CRLF1: variants seen among roughly 807,000 people sequenced by gnomAD.
The protein encoded by CRLF1 is cytokine receptor like factor 1, also known as cytokine receptor-like factor 1.
CRLF1 carries 36 observed loss-of-function variants against 48.9 expected under a neutral mutation model. The ratio of observed to expected loss-of-function variants is 0.74; its 90% CI spans 0.56 to 0.97. The LOEUF (loss-of-function observed/expected upper bound fraction) is 0.97. Among genes scored for constraint, CRLF1 ranks in the 50% least tolerant of loss-of-function variants. The probability of loss-of-function intolerance (pLI) is 0.00; values close to 1 mark genes in which losing one functional copy is unlikely to be tolerated. For synonymous variants in CRLF1, 256 were observed against 253.4 expected (o/e 1.01, Z -0.10); for missense variants, 534 against 575.1 (o/e 0.93, Z 0.73).
intron 4 of CRLF1, among the ~76,000 whole-genome samples, chr19:18,597,452 C>T (rs1162119930): frequency 1.0e-4 from 2 of 19,326 alleles, no homozygotes; most frequent in African/African-American, 9.3e-4. Context: ...TTTTTTGAGA[C>T]GGAGTCTCGC....
In CRLF1 at chr19:18,596,640, C is replaced by T. The variant is rs376384592; in HGVS notation, c.1006G>A (p.Ala336Thr). 16 of 1,613,790 alleles carry T rather than the reference C, an allele frequency of 9.9e-6. No homozygotes were observed. Among genetic ancestry groups the T allele is most frequent in the Non-Finnish European group, 1.3e-5 (15 of 1,179,898 alleles). ...IWSEWSHPTA[A>T]STPRSERPGP... ...TGCTCACCACTGCGGGGAGTGGAGG[C>T]GGCTGTGGGGTGGCTCCACTCACTC... Residue 336 changes from alanine (A) to threonine (T), a missense_variant, in exon 6 of 9, where the codon GCC becomes ACC. Around this residue, in one of 2 missense-constraint regions of CRLF1, gnomAD observed 528 missense variants for 555.7 expected, o/e 0.95. Coordinates refer to ENST00000392386, the MANE Select transcript of CRLF1 (RefSeq NM_004750.5).
intron 4 of CRLF1, among the ~76,000 whole-genome samples, chr19:18,597,702 G>T (rs939868428): frequency 6.6e-6 from 1 of 152,034 alleles, no homozygotes; most frequent in African/African-American, 2.4e-5. Flanking sequence ...AAAGTGCTGG[G>T]ATTACAGGTG....
At chr19:18,596,527 C>G in intron 6 of CRLF1, 95 bp downstream of exon 6, 3 of 1,474,126 alleles carry the variant, frequency 2.0e-6, no homozygotes, top group Non-Finnish European at 2.7e-6. Flanking sequence ...GGCCGTGTCT[C>G]AAAAGAAAAA....
intron 1 of CRLF1, among the ~76,000 whole-genome samples, chr19:18,604,491 G>C (rs1976263741): frequency 6.6e-6 from 1 of 152,178 alleles, no homozygotes; most frequent in Admixed American, 6.5e-5. Context: ...CTACTTGCTG[G>C]GGAGATCAAT....
Position 18,593,514 on chromosome 19 carries a change from T to A in CRLF1, c.*52A>T. The stretch of plus-strand genomic sequence containing the variant: ...GGTACAGAGGTGGCCCCAGTTTGGG[T>A]TCGGCCTCTGCGTCTCCACGTGGCA... On this transcript the variant is annotated 3_prime_UTR_variant, in exon 9 of 9. Coordinates refer to ENST00000392386, the MANE Select transcript of CRLF1 (RefSeq NM_004750.5). 6.2e-7 allele frequency: 1 copy of A among 1,605,606 alleles called. No individual in the cohort carries two copies.
rs754292165 is a variant in CRLF1 at position 18,599,820 on chromosome 19, G to T, written c.142C>A (p.Pro48Thr). The change falls in exon 2 of 9, where the codon CCC (proline) becomes ACC (threonine). Residue 48 changes from proline (P) to threonine (T), a missense_variant. By Grantham distance (38) the Pro-to-Thr change is conservative (BLOSUM62 -1). Coordinates refer to ENST00000392386, the MANE Select transcript of CRLF1 (RefSeq NM_004750.5). ...AGGGAGGAGCCGATGAGAAGCGTGG[G>T]ATCCTGGGGACTGATCACAGCTGTG... is the stretch of plus-strand genomic sequence containing the variant. ...AHTAVISPQDPTLLIGSSLLA... is the reference protein window; with the variant it reads ...AHTAVISPQDTTLLIGSSLLA... The T allele has an allele frequency of 1.5e-5, 24 of 1,561,198 alleles. No homozygotes were observed. The highest frequency in any genetic ancestry group is 1.7e-4 in the Middle Eastern group (1 of 5,830).
At position 18,594,082 on chromosome 19, in the gene CRLF1, C is replaced by T; in HGVS notation, c.1238G>A (p.Arg413Lys). ...NQDEGILPSG[R>K]RGTARGPAR is the part of the protein sequence containing the mutation. ...CACCTTACCTCTCGCCGTGCCCCGT[C>T]TGCCCGAGGGCAGGATCCCCTCGTC... The change falls in exon 8 of 9, where the codon AGA (arginine) becomes AAA (lysine). Residue 413 changes from arginine (R) to lysine (K), a missense_variant. Physicochemically the swap from Arg to Lys is conservative, Grantham distance 26. This residue lies in a region of CRLF1 where 528 missense variants were observed against 555.7 expected (regional missense o/e 0.95). Transcript: ENST00000392386. 6.4e-7 allele frequency: 1 copy of T among 1,557,912 alleles called. No individual in the cohort carries two copies.
At chr19:18,594,032 T>TGGCGCC in intron 8 of CRLF1, 33 bp downstream of exon 8, 15 of 695,802 alleles carry the variant, frequency 2.2e-5, no homozygotes, top group Non-Finnish European at 2.9e-5. Flanking sequence ...CTCCCCTTGC[T>TGGCGCC]CCCTCCCGCC....
chr19:18,597,431 C>CTTTTTGTTTTTT, intron 4 of CRLF1, among the ~76,000 whole-genome samples: 1 of 81,644 alleles, frequency 1.2e-5, no homozygotes, highest in South Asian at 3.5e-4. Context: ...CCCTTCCACT[C>CTTTTTGTTTTTT]TTTTTTTTTT....
At position 18,599,655 on chromosome 19, in the gene CRLF1, G is replaced by A. The variant is rs973127225; in HGVS notation, c.307C>T (p.Leu103Phe). 1.9e-6 allele frequency: 3 copies of A among 1,613,400 alleles called. No individual in the cohort carries two copies. The African/African-American group carries it at 4.0e-5, about 22-fold the overall frequency. The change falls in exon 2 of 9, where the codon CTC (leucine) becomes TTC (phenylalanine). Residue 103 changes from leucine (L) to phenylalanine (F), a missense_variant. Physicochemically the swap from Leu to Phe is conservative, Grantham distance 22. Transcript: ENST00000392386. ...ASTLALALANLNGSRQRSGDN... is the reference protein window; with the variant it reads ...ASTLALALANFNGSRQRSGDN... Reference sequence around the variant, plus strand: ...CCCGACCGCTGCCTGGACCCATTGAGGTTGGCCAGGGCCAGAGCCAAGGTG... The same window carrying A: ...CCCGACCGCTGCCTGGACCCATTGAAGTTGGCCAGGGCCAGAGCCAAGGTG...
At chr19:18,600,731 C>T (rs1976210424) in intron 1 of CRLF1, among the ~76,000 whole-genome samples, 1 of 152,150 alleles carries the variant, frequency 6.6e-6, no homozygotes, top group South Asian at 2.1e-4. Context: ...GAACTCCTGA[C>T]CTCGTGATCC....
At chr19:18,593,628 C>A in intron 8 of CRLF1, 49 bp from the exon 9 acceptor site, 4 of 1,575,428 alleles carry the variant, frequency 2.5e-6, no homozygotes, top group East Asian at 2.3e-5. Context: ...AGGAGAGGGC[C>A]GCACCACAGA....
intron 1 of CRLF1, 152 bp from the exon 2 acceptor site, chr19:18,599,998 G>A: frequency 2.3e-6 from 2 of 867,062 alleles, no homozygotes; most frequent in Non-Finnish European, 3.3e-6. Context: ...GATCAGTTGG[G>A]TTAAATGCCC....
intron 8 of CRLF1, 34 bp downstream of exon 8, chr19:18,594,031 C>CGT: frequency 2.3e-6 from 3 of 1,299,850 alleles, no homozygotes; most frequent in Non-Finnish European, 3.2e-6. Context: ...CCTCCCCTTG[C>CGT]TCCCTCCCGC....
At chr19:18,597,172 C>A in intron 4 of CRLF1, 123 bp from the exon 5 acceptor site, 1 of 997,152 alleles carries the variant, frequency 1.0e-6, no homozygotes, top group Non-Finnish European at 1.5e-6. Flanking sequence ...CTTCCCTCTG[C>A]CCCCACCCCC....
At chr19:18,604,643 G>A (rs999529038) in intron 1 of CRLF1, among the ~76,000 whole-genome samples, 4 of 152,110 alleles carry the variant, frequency 2.6e-5, no homozygotes, top group African/African-American at 4.8e-5. Context: ...GGGCTAAGGC[G>A]CTGGGGACAG....
At chr19:18,594,030 G>GGGGGGCC in intron 8 of CRLF1, 35 bp downstream of exon 8, 1 of 1,315,314 alleles carries the variant, frequency 7.6e-7, no homozygotes, top group Non-Finnish European at 1.1e-6. Flanking sequence ...CCCTCCCCTT[G>GGGGGGCC]CTCCCTCCCG....
intron 8 of CRLF1, 42 bp downstream of exon 8, chr19:18,594,023 T>TCCCCTTGCTGGGGGCCCC: frequency 6.7e-7 from 1 of 1,491,236 alleles, no homozygotes; most frequent in Non-Finnish European, 9.1e-7. Context: ...GAAGGGGCCC[T>TCCCCTTGCTGGGGGCCCC]CCCCTTGCTC....
intron 4 of CRLF1, among the ~76,000 whole-genome samples, chr19:18,597,735 C>T (rs1976161666): frequency 1.3e-5 from 2 of 152,192 alleles, no homozygotes; most frequent in Admixed American, 6.5e-5. Context: ...CCCGGCCCTC[C>T]CTTCCACTCT....
Sources: allele counts gnomAD v4.1 joint callset (sites outside exome capture counted in the v4.1 genomes callset), GRCh38; gene constraint gnomAD v4.1.1; regional missense constraint gnomAD v4.1.1; transcripts MANE v1.5; gene names NCBI Gene and HGNC (gene_info 2026-07-23, HGNC 2026-07-21).